The following ARHGEF10L variants were observed in gnomAD, a reference collection of about 807,000 sequenced individuals.
ARHGEF10L encodes the protein rho guanine nucleotide exchange factor 10-like protein.
In ARHGEF10L, 69 loss-of-function variants were observed where a neutral mutation model predicts 141.2. That is an observed-to-expected ratio of 0.49 (90% CI 0.40 to 0.60). The LOEUF is 0.60. Ranked by LOEUF, ARHGEF10L falls within the 20% of genes least tolerant of loss-of-function variation. The pLI is 0.00. For synonymous variants in ARHGEF10L, 711 were observed against 718.5 expected (o/e 0.99, Z 0.17); for missense variants, 1,482 against 1,734.3 (o/e 0.85, Z 2.58).
chr1:17,544,881 T>A (rs1199231090), intron 1 of ARHGEF10L, among the ~76,000 whole-genome samples: 4 of 152,122 alleles, frequency 2.6e-5, no homozygotes, highest in Non-Finnish European at 4.4e-5. Context: ...TTTTACATGG[T>A]GGCAGGCGAG....
intron 1 of ARHGEF10L, among the ~76,000 whole-genome samples, chr1:17,571,638 ATTCTCCT>A (rs1341114247): frequency 2.6e-5 from 4 of 151,948 alleles, no homozygotes; most frequent in African/African-American, 9.7e-5. Flanking sequence ...GGTTCAAGTG[ATTCTCCT>A]GCCTCAGCCT....
At chr1:17,566,903 T>G (rs1301641520) in intron 1 of ARHGEF10L, among the ~76,000 whole-genome samples, 1 of 146,462 alleles carries the variant, frequency 6.8e-6, no homozygotes. Context: ...GGATGCAGAC[T>G]GGCTTTTCTG....
At chr1:17,678,463 A>G (rs1253700461) in intron 26 of ARHGEF10L, among the ~76,000 whole-genome samples, 1 of 146,536 alleles carries the variant, frequency 6.8e-6, no homozygotes, top group Non-Finnish European at 1.5e-5. Flanking sequence ...CTTGTTGAAC[A>G]GGCTAGAGTG....
At chr1:17,517,066 A>G in the ARHGEF10L span, among the ~76,000 whole-genome samples, 1 of 152,252 alleles carries the variant, frequency 6.6e-6, no homozygotes, top group South Asian at 2.1e-4. Context: ...CCAGGAGGGA[A>G]CCCAGTCAAC....
At position 17,634,910 on chromosome 1, in the gene ARHGEF10L, G is replaced by T. The variant is rs2060910962; in HGVS notation, c.1821G>T (p.Gln607His). ...YVVKWNTALP[Q>H]VQVVEVGQDG... is the part of the protein sequence containing the mutation. ...TGAAGTGGAACACGGCGCTGCCCCA[G>T]GTGCAGGTGGTGGAGGTGGGCCAGG... Residue 607 changes from glutamine to histidine, a missense_variant, in exon 18 of 29, where the codon CAG becomes CAT. Gln to His is a conservative substitution (Grantham distance 24, BLOSUM62 0). This residue lies in a region of ARHGEF10L where 858 missense variants were observed against 966.3 expected (regional missense o/e 0.89). Transcript: ENST00000361221. 6.2e-7 allele frequency: 1 copy of T among 1,614,136 alleles called. No homozygotes were observed. The highest frequency in any genetic ancestry group is 8.5e-7 in the Non-Finnish European group (1 of 1,180,006).
At chr1:17,616,256 G>C (rs971352566) in intron 9 of ARHGEF10L, 54 bp downstream of exon 9, 1 of 1,342,312 alleles carries the variant, frequency 7.4e-7, no homozygotes, top group East Asian at 2.4e-5. Context: ...CTGGGGGTCG[G>C]GGAGGGTGGG....
At chr1:17,692,507 T>C (rs1390252607) in intron 27 of ARHGEF10L, among the ~76,000 whole-genome samples, 2 of 152,158 alleles carry the variant, frequency 1.3e-5, no homozygotes, top group Non-Finnish European at 2.9e-5. Context: ...AGTGCTATCC[T>C]GGGTTCCTTC....
chr1:17,527,524 C>A, the ARHGEF10L span, among the ~76,000 whole-genome samples: 12 of 152,280 alleles, frequency 7.9e-5, no homozygotes. Context: ...TGGCACCACC[C>A]GTACCCCTCA....
chr1:17,564,473 G>A (rs2077669677), intron 1 of ARHGEF10L, among the ~76,000 whole-genome samples: 1 of 152,188 alleles, frequency 6.6e-6, no homozygotes, highest in Middle Eastern at 3.2e-3. Context: ...TCCCATGGGT[G>A]GAGGCTTCAT....
intron 13 of ARHGEF10L, 125 bp downstream of exon 13, chr1:17,624,628 T>C: frequency 1.3e-6 from 1 of 758,714 alleles, no homozygotes; most frequent in Non-Finnish European, 2.3e-6. Context: ...GCTCCCCTCT[T>C]TCTTTTGGGG....
At chr1:17,667,753 C>CA (rs1264561310) in intron 26 of ARHGEF10L, among the ~76,000 whole-genome samples, 2 of 152,200 alleles carry the variant, frequency 1.3e-5, no homozygotes, top group Non-Finnish European at 2.9e-5. Context: ...CCCCAGGGCA[C>CA]AGAGCTGCCC....
At chr1:17,587,736 C>A in intron 3 of ARHGEF10L, 91 bp downstream of exon 3, 1 of 1,378,486 alleles carries the variant, frequency 7.3e-7, no homozygotes, top group Non-Finnish European at 9.8e-7. Context: ...TGCCTGGTGG[C>A]CCCTCCGCTG....
chr1:17,614,871 C>G (rs2059723416), intron 8 of ARHGEF10L, among the ~76,000 whole-genome samples: 2 of 152,164 alleles, frequency 1.3e-5, no homozygotes, highest in South Asian at 4.1e-4. Context: ...GCAACCCTTC[C>G]TTGCCCAGAC....
chr1:17,652,628 G>T (rs1245765797), intron 22 of ARHGEF10L, among the ~76,000 whole-genome samples: 1 of 152,088 alleles, frequency 6.6e-6, no homozygotes, highest in African/African-American at 2.4e-5. Flanking sequence ...TGACTACTAC[G>T]GTGTCGAAGG....
chr1:17,696,329 A>T (rs1395156663), intron 28 of ARHGEF10L, among the ~76,000 whole-genome samples: 1 of 152,166 alleles, frequency 6.6e-6, no homozygotes, highest in Non-Finnish European at 1.5e-5. Context: ...TCCAGGTAGA[A>T]TCCTGGGATG....
At chr1:17,686,728 C>T (rs539015578) in intron 26 of ARHGEF10L, among the ~76,000 whole-genome samples, 1 of 152,222 alleles carries the variant, frequency 6.6e-6, no homozygotes, top group Non-Finnish European at 1.5e-5. Context: ...GCACTGGGGC[C>T]CCGAATGCTG....
At position 17,573,565 on chromosome 1, in the gene ARHGEF10L, G is replaced by T. The variant is rs893659712; in HGVS notation, c.-43-6988G>T. Among the ~76,000 whole-genome samples the T allele has an allele frequency of 6.6e-6, 1 of 152,142 alleles. No homozygotes were observed. The highest frequency in any genetic ancestry group is 1.5e-5 in the Non-Finnish European group (1 of 68,020). Reference sequence around the variant, plus strand: ...CGGGGACAAAGGGGTTAATGTGTCTGGGGGCTGGGAGGGAAGGAGGAAGAG... The same window carrying T: ...CGGGGACAAAGGGGTTAATGTGTCTTGGGGCTGGGAGGGAAGGAGGAAGAG... On this transcript the variant is annotated intron_variant, in intron 1 of 28. Transcript: ENST00000361221. The surrounding 1 kb of genome is among the most constrained non-coding windows in gnomAD (Gnocchi z 4.8).
chr1:17,523,060 C>A, the ARHGEF10L span, among the ~76,000 whole-genome samples: 1 of 149,714 alleles, frequency 6.7e-6, no homozygotes, highest in African/African-American at 2.5e-5. Context: ...TGCCATTGTT[C>A]CATTTTCTTT....
At chr1:17,608,851 C>G (rs1471426954) in intron 7 of ARHGEF10L, among the ~76,000 whole-genome samples, 3 of 152,178 alleles carry the variant, frequency 2.0e-5, no homozygotes, top group Non-Finnish European at 2.9e-5. Flanking sequence ...GTGGCCCTAT[C>G]TCGGCTCACT....
Sources: gnomAD v4.1 joint callset for allele counts (sites outside exome capture counted in the v4.1 genomes callset) on GRCh38, gnomAD v4.1.1 for gene constraint, gnomAD v4.1.1 regional missense constraint, Gnocchi (gnomAD v3.1) non-coding constraint, MANE v1.5 for transcripts, NCBI Gene and HGNC (gene_info 2026-07-23, HGNC 2026-07-21) for gene names.